The following ARHGAP19 variants were observed in gnomAD, a reference collection of about 807,000 sequenced individuals.
ARHGAP19 encodes Rho GTPase activating protein 19.
ARHGAP19 carries 48 observed loss-of-function variants against 60.9 expected under a neutral mutation model. The observed-to-expected ratio is 0.79, with a 90% confidence interval of 0.62 to 1.00. The LOEUF is 1.00. Among genes scored for constraint, ARHGAP19 ranks in the 50% least tolerant of loss-of-function variants. The pLI is 0.00. For missense variants in ARHGAP19, 562 were observed against 597.2 expected (o/e 0.94, Z 0.61); for synonymous variants, 209 against 215.5 (o/e 0.97, Z 0.27).
Position 97,224,085 on chromosome 10 carries a change from G to C in ARHGAP19, c.*2037C>G, listed in dbSNP as rs1370899058. 1 of 152,166 alleles carries C rather than the reference G, an allele frequency of 6.6e-6. No homozygotes were observed. The highest frequency in any genetic ancestry group is 6.5e-5 in the Admixed American group (1 of 15,272). 9.4% of individuals were successfully genotyped at this position (152,166 alleles called of 1,614,324 possible). The stretch of plus-strand genomic sequence containing the variant: ...AGCATCTACATCCGTCTAAATCTCA[G>C]CTACTTCCCTTAAATAGAATCAAAA... On this transcript the variant is annotated 3_prime_UTR_variant, in exon 12 of 12. Coordinates refer to ENST00000358531, the MANE Select transcript of ARHGAP19 (RefSeq NM_032900.6).
intron 4 of ARHGAP19, among the ~76,000 whole-genome samples, chr10:97,260,435 C>G (rs1165890334): frequency 6.6e-6 from 1 of 151,792 alleles, no homozygotes; most frequent in Non-Finnish European, 1.5e-5. Context: ...GAGGCAGAGG[C>G]AGGAGTATGG....
chr10:97,248,522 A>G (rs779057811), intron 6 of ARHGAP19, among the ~76,000 whole-genome samples: 28 of 152,340 alleles, frequency 1.8e-4, no homozygotes, highest in Admixed American at 4.6e-4. Context: ...AATTGGTGGT[A>G]TTAATATGAA....
intron 1 of ARHGAP19, among the ~76,000 whole-genome samples, chr10:97,290,268 A>C (rs1477880536): frequency 7.1e-6 from 1 of 139,916 alleles, no homozygotes; most frequent in Non-Finnish European, 1.7e-5. Flanking sequence ...GCTGACTCCC[A>C]TCCCGCTGCT....
intron 8 of ARHGAP19, among the ~76,000 whole-genome samples, chr10:97,242,458 G>A (rs1206408092): frequency 6.3e-5 from 9 of 143,282 alleles, no homozygotes; most frequent in South Asian, 2.3e-4. Flanking sequence ...CTCAGCCTCC[G>A]GAATAGCTGG....
At position 97,263,507 on chromosome 10, in the gene ARHGAP19, C is replaced by T. The variant is rs1393357141; in HGVS notation, c.526G>A (p.Val176Ile). The T allele has an allele frequency of 3.1e-6, 5 of 1,614,104 alleles. No homozygotes were observed. The highest frequency in any genetic ancestry group is 4.5e-5 in the East Asian group (2 of 44,864). The change falls in exon 4 of 12, where the codon GTT becomes ATT. Residue 176 changes from valine (V) to isoleucine (I), a missense_variant. Physicochemically the swap from Val to Ile is conservative, Grantham distance 29. Coordinates refer to ENST00000358531, the MANE Select transcript of ARHGAP19 (RefSeq NM_032900.6). ...LESGEFHSND[V>I]ATLLKMFLGE... Reference sequence around the variant, plus strand: ...AGAAACATCTTCAGCAAAGTGGCAACATCATTTGAGTGAAATTCCCCTGAT... The same window carrying T: ...AGAAACATCTTCAGCAAAGTGGCAATATCATTTGAGTGAAATTCCCCTGAT...
chr10:97,273,654 A>G (rs1224405878), intron 1 of ARHGAP19, among the ~76,000 whole-genome samples: 1 of 151,352 alleles, frequency 6.6e-6, no homozygotes, highest in South Asian at 2.1e-4. Flanking sequence ...GTGCCCAGCT[A>G]ATTTTTGTAT....
At chr10:97,241,324 ACTT>A (rs1842478065) in intron 8 of ARHGAP19, among the ~76,000 whole-genome samples, 4 of 151,820 alleles carry the variant, frequency 2.6e-5, no homozygotes, top group African/African-American at 9.7e-5. Flanking sequence ...GATCATATTT[ACTT>A]AAGATCATAT....
chr10:97,288,441 G>A (rs762728957), intron 1 of ARHGAP19, among the ~76,000 whole-genome samples: 9 of 151,616 alleles, frequency 5.9e-5, no homozygotes, highest in East Asian at 2.0e-4. Flanking sequence ...TTAGTTGAGC[G>A]TGCTGGCACA....
At chr10:97,256,135 T>A (rs1332965179) in intron 6 of ARHGAP19, among the ~76,000 whole-genome samples, 183 bp downstream of exon 6, 1 of 152,118 alleles carries the variant, frequency 6.6e-6, no homozygotes, top group Non-Finnish European at 1.5e-5. Flanking sequence ...CTACTCAGCC[T>A]CCTATTCCTA....
chr10:97,256,134 C>A (rs1213259832), intron 6 of ARHGAP19, among the ~76,000 whole-genome samples, 184 bp downstream of exon 6: 1 of 152,120 alleles, frequency 6.6e-6, no homozygotes. Flanking sequence ...CCTACTCAGC[C>A]TCCTATTCCT....
chr10:97,273,484 CTTTTTT>C (rs11442502), intron 1 of ARHGAP19, among the ~76,000 whole-genome samples: 23 of 92,522 alleles, frequency 2.5e-4, no homozygotes, highest in African/African-American at 5.4e-4. Flanking sequence ...TTTCTGCTCT[CTTTTTT>C]TTTTTTTTTT....
chr10:97,251,320 G>T (rs1348415778), intron 6 of ARHGAP19, among the ~76,000 whole-genome samples: 3 of 45,812 alleles, frequency 6.5e-5, no homozygotes, highest in Admixed American at 2.0e-4. Context: ...GGAAGGGGAA[G>T]GGAAGGGGAA....
At chr10:97,241,675 T>A (rs1212764584) in intron 8 of ARHGAP19, among the ~76,000 whole-genome samples, 2 of 151,708 alleles carry the variant, frequency 1.3e-5, no homozygotes, top group East Asian at 3.9e-4. Context: ...ATCGCACCAC[T>A]GCACTCCAGC....
intron 1 of ARHGAP19, among the ~76,000 whole-genome samples, chr10:97,270,110 G>A (rs933344293): frequency 1.3e-5 from 2 of 151,862 alleles, no homozygotes; most frequent in African/African-American, 4.8e-5. Flanking sequence ...GAAAAAAAAA[G>A]ATACCTTGGA....
rs977246534 is a variant in ARHGAP19, at chr10:97,223,531, T to C, written c.*2591A>G. On this transcript the variant is annotated 3_prime_UTR_variant, in exon 12 of 12. Coordinates refer to ENST00000358531, the MANE Select transcript of ARHGAP19 (RefSeq NM_032900.6). ...TCTGGCACAAACACAAGGCCCCAAA[T>C]TGACACCACATCAAAGCCCATCACA... 6.6e-6 allele frequency: 1 copy of C among 152,114 alleles called. No homozygotes were observed. Among genetic ancestry groups the C allele is most frequent in the African/African-American group, 2.4e-5 (1 of 41,388 alleles). 9.4% of individuals were successfully genotyped at this position (152,114 alleles called of 1,614,324 possible).
intron 1 of ARHGAP19, among the ~76,000 whole-genome samples, chr10:97,288,982 C>CT (rs1256062776): frequency 2.0e-5 from 3 of 149,962 alleles, no homozygotes; most frequent in East Asian, 2.0e-4. Context: ...GCCTGGTTAA[C>CT]TTTTTTTTGT....
intron 1 of ARHGAP19, among the ~76,000 whole-genome samples, chr10:97,291,367 G>A (rs1843229474): frequency 6.6e-6 from 1 of 152,104 alleles, no homozygotes; most frequent in Non-Finnish European, 1.5e-5. Context: ...GTCACCCAGG[G>A]TGGAATGCAA....
intron 11 of ARHGAP19, among the ~76,000 whole-genome samples, chr10:97,228,272 AC>A (rs1850935102): frequency 6.6e-6 from 1 of 152,212 alleles, no homozygotes; most frequent in South Asian, 2.1e-4. Context: ...CAGTGATAAA[AC>A]AATCATGTCA....
intron 7 of ARHGAP19, among the ~76,000 whole-genome samples, chr10:97,245,624 T>C (rs1291097883): frequency 6.7e-6 from 1 of 149,946 alleles, no homozygotes; most frequent in East Asian, 2.0e-4. Context: ...AAAATCATCA[T>C]TATCATATCT....
Sources: gnomAD v4.1 joint callset for allele counts (sites outside exome capture counted in the v4.1 genomes callset) on GRCh38, gnomAD v4.1.1 for gene constraint, MANE v1.5 for transcripts, NCBI Gene and HGNC (gene_info 2026-07-23, HGNC 2026-07-21) for gene names.